FGF14: variants seen among roughly 807,000 people sequenced by gnomAD.
FGF14 encodes the protein fibroblast growth factor homologous factor 4.
In FGF14, 5 loss-of-function variants were observed where a neutral mutation model predicts 25.5. The observed-to-expected ratio is 0.20, with a 90% confidence interval of 0.10 to 0.41. The LOEUF is 0.41. Among genes scored for constraint, FGF14 ranks in the 10% least tolerant of loss-of-function variants. The pLI is 1.00. For missense variants in FGF14, 222 were observed against 320.1 expected (o/e 0.69, Z 2.34); for synonymous variants, 138 against 118.3 (o/e 1.17, Z -1.08).
intron 2 of FGF14, among the ~76,000 whole-genome samples, chr13:101,869,984 G>T (rs1228172240): frequency 6.6e-6 from 1 of 152,132 alleles, no homozygotes; most frequent in East Asian, 1.9e-4. Flanking sequence ...AAGATCCCAA[G>T]ATGTCTGTGC....
At chr13:101,980,383 C>T (rs988899914) in intron 1 of FGF14, among the ~76,000 whole-genome samples, 3 of 150,350 alleles carry the variant, frequency 2.0e-5, no homozygotes, top group Non-Finnish European at 3.0e-5. Flanking sequence ...CTAAGGTTTT[C>T]GATTATGAGA....
At chr13:101,961,787 T>C (rs2036874605) in intron 1 of FGF14, among the ~76,000 whole-genome samples, 1 of 152,208 alleles carries the variant, frequency 6.6e-6, no homozygotes, top group Non-Finnish European at 1.5e-5. Flanking sequence ...CTTCCCCTTC[T>C]GGAATCATTA....
intron 1 of FGF14, among the ~76,000 whole-genome samples, chr13:102,277,278 C>A (rs2053596113): frequency 6.6e-6 from 1 of 152,190 alleles, no homozygotes; most frequent in African/African-American, 2.4e-5. Context: ...TTTGCACATT[C>A]CTCATTAATT....
chr13:102,401,675 C>T (rs1210998976), exon 1 of FGF14: 1 of 1,613,498 alleles, frequency 6.2e-7, no homozygotes, highest in Admixed American at 1.7e-5. Flanking sequence ...ACCGGTTTTA[C>T]CATAGGAAAA....
intron 3 of FGF14, among the ~76,000 whole-genome samples, chr13:101,867,623 C>G (rs2044783807): frequency 6.6e-6 from 1 of 152,058 alleles, no homozygotes; most frequent in Non-Finnish European, 1.5e-5. Context: ...CTAAAGGGAG[C>G]ATAGGGAATT....
chr13:102,237,755 A>G (rs2141016395), intron 1 of FGF14, among the ~76,000 whole-genome samples: 1 of 152,302 alleles, frequency 6.6e-6, no homozygotes, highest in East Asian at 1.9e-4. Context: ...TGAACACTCA[A>G]TCTTCTGTAA....
chr13:102,291,670 ATGT>A (rs1244323052), intron 1 of FGF14, among the ~76,000 whole-genome samples: 1 of 152,184 alleles, frequency 6.6e-6, no homozygotes, highest in African/African-American at 2.4e-5. Flanking sequence ...CAAGGAAAGA[ATGT>A]TAAAGACTTG....
rs12877685 is a variant in FGF14, at chr13:102,087,713, C to T, written c.209-212417G>A. ...TGCTGGGATTACAGGCGTGAGCCACCGCGCCCAGCCCAGACTGTAATTCTT... is the reference window on the plus strand; with the variant it reads ...TGCTGGGATTACAGGCGTGAGCCACTGCGCCCAGCCCAGACTGTAATTCTT... On this transcript the variant is annotated intron_variant, in intron 1 of 4. Coordinates refer to the FGF14 transcript ENST00000376131. Among the ~76,000 whole-genome samples the T allele has an allele frequency of 3.5e-3, 526 of 151,804 alleles. 1 individual carries two copies. Among genetic ancestry groups the T allele is most frequent in the Non-Finnish European group, 6.6e-3 (445 of 67,926 alleles).
At chr13:101,935,548 A>T (rs113588217) in intron 1 of FGF14, among the ~76,000 whole-genome samples, 4 of 152,184 alleles carry the variant, frequency 2.6e-5, no homozygotes, top group African/African-American at 9.7e-5. Context: ...TGATGGTTTT[A>T]TAAGTGTCTG....
At chr13:102,255,650 T>C (rs1285402776) in intron 1 of FGF14, among the ~76,000 whole-genome samples, 1 of 152,136 alleles carries the variant, frequency 6.6e-6, no homozygotes, top group African/African-American at 2.4e-5. Flanking sequence ...AAGCTGTGAG[T>C]AAGTAATTAT....
intron 1 of FGF14, among the ~76,000 whole-genome samples, chr13:101,905,713 A>C (rs1594675699): frequency 6.6e-6 from 1 of 152,242 alleles, no homozygotes; most frequent in East Asian, 1.9e-4. Context: ...ATAATAATAA[A>C]TTATAGGAAT....
intron 3 of FGF14, among the ~76,000 whole-genome samples, chr13:101,843,683 A>G (rs1425059263): frequency 6.6e-6 from 1 of 152,054 alleles, no homozygotes; most frequent in East Asian, 1.9e-4. Context: ...CTAGGAAGAA[A>G]TAATAACTAC....
intron 1 of FGF14, among the ~76,000 whole-genome samples, chr13:101,898,393 TATTG>T (rs1364934436): frequency 7.0e-6 from 1 of 142,950 alleles, no homozygotes; most frequent in Non-Finnish European, 1.5e-5. Context: ...CAGAAATGAG[TATTG>T]ACAGAAATAC....
chr13:101,829,742 C>T (rs1005810545), intron 3 of FGF14, among the ~76,000 whole-genome samples: 4 of 152,068 alleles, frequency 2.6e-5, no homozygotes, highest in Non-Finnish European at 5.9e-5. Context: ...TCACAGTAGA[C>T]TCTTGATTCA....
intron 1 of FGF14, among the ~76,000 whole-genome samples, chr13:102,324,574 A>G (rs560524676): frequency 6.6e-5 from 10 of 152,316 alleles, no homozygotes; most frequent in East Asian, 3.9e-4. Flanking sequence ...CTCATGCATC[A>G]AAGTCTTTGA....
At chr13:101,833,529 G>A (rs1169743113) in intron 3 of FGF14, among the ~76,000 whole-genome samples, 4 of 152,010 alleles carry the variant, frequency 2.6e-5, no homozygotes, top group African/African-American at 9.7e-5. Flanking sequence ...ACAATGAGAA[G>A]ACAATCCCTT....
chr13:102,380,236 A>C (rs951512189), intron 1 of FGF14, among the ~76,000 whole-genome samples: 5 of 152,150 alleles, frequency 3.3e-5, no homozygotes, highest in African/African-American at 1.2e-4. Context: ...GAACTGACAT[A>C]CATGGAACTG....
chr13:101,815,432 A>C (rs529401932), intron 3 of FGF14, among the ~76,000 whole-genome samples: 132 of 152,306 alleles, frequency 8.7e-4, no homozygotes, highest in African/African-American at 2.9e-3. Context: ...CCAACAGGTC[A>C]CTGATGCCTG....
intron 1 of FGF14, among the ~76,000 whole-genome samples, chr13:101,895,603 G>A (rs1486934457): frequency 6.6e-6 from 1 of 152,174 alleles, no homozygotes; most frequent in Non-Finnish European, 1.5e-5. Context: ...GGTCACTGAA[G>A]TGCAAACATA....
Sources: gnomAD v4.1 joint callset for allele counts (sites outside exome capture counted in the v4.1 genomes callset) on GRCh38, gnomAD v4.1.1 for gene constraint, MANE v1.5 for transcripts, NCBI Gene and HGNC (gene_info 2026-07-23, HGNC 2026-07-21) for gene names.